Variants in NCOA2 observed in about 807,000 individuals in gnomAD.
The protein encoded by NCOA2 is nuclear receptor coactivator 2, also known as class E basic helix-loop-helix protein 75.
In NCOA2, 21 loss-of-function variants were observed where a neutral mutation model predicts 145.1. That is an observed-to-expected ratio of 0.14 (90% CI 0.10 to 0.21). The LOEUF (loss-of-function observed/expected upper bound fraction) is 0.21. Ranked by LOEUF, NCOA2 falls within the 10% of genes least tolerant of loss-of-function variation. NCOA2 has a pLI of 1.00. For missense variants in NCOA2, 1,472 were observed against 1,837.6 expected (o/e 0.80, Z 3.64); for synonymous variants, 619 against 637.5 (o/e 0.97, Z 0.44).
At chr8:70,124,433 C>T (rs1426387558) in intron 20 of NCOA2, among the ~76,000 whole-genome samples, 1 of 151,668 alleles carries the variant, frequency 6.6e-6, no homozygotes, top group Non-Finnish European at 1.5e-5. Flanking sequence ...GTTTACTTTT[C>T]CTAGAGCAGG....
chr8:70,232,627 C>T (rs928954373), intron 2 of NCOA2, among the ~76,000 whole-genome samples: 2 of 152,100 alleles, frequency 1.3e-5, no homozygotes, highest in Non-Finnish European at 2.9e-5. Context: ...ACTCCAACCC[C>T]ATTTCTATTC....
chr8:70,170,153 G>T, intron 6 of NCOA2, 49 bp downstream of exon 6: 1 of 1,547,494 alleles, frequency 6.5e-7, no homozygotes, highest in Non-Finnish European at 8.9e-7. Context: ...ATGAGGCAGG[G>T]CAGGTGGGGG....
At chr8:70,158,923 A>C (rs1461248004) in intron 10 of NCOA2, among the ~76,000 whole-genome samples, 2 of 151,936 alleles carry the variant, frequency 1.3e-5, no homozygotes, top group Non-Finnish European at 2.9e-5. Context: ...ATGTCTAAGC[A>C]AACTTAGTGC....
chr8:70,131,083 T>G (rs562087856), intron 16 of NCOA2, among the ~76,000 whole-genome samples: 1 of 152,340 alleles, frequency 6.6e-6, no homozygotes, highest in South Asian at 2.1e-4. Flanking sequence ...ATATTCCCAT[T>G]TACGCTTAAA....
At chr8:70,357,672 C>T (rs1479566679) in intron 1 of NCOA2, among the ~76,000 whole-genome samples, 4 of 151,870 alleles carry the variant, frequency 2.6e-5, no homozygotes, top group African/African-American at 7.3e-5. Flanking sequence ...ACCTGGGAGG[C>T]GGAGCTTGCA....
At chr8:70,163,139 TCCTGA>T (rs1212245028) in intron 8 of NCOA2, among the ~76,000 whole-genome samples, 1 of 152,166 alleles carries the variant, frequency 6.6e-6, no homozygotes, top group African/African-American at 2.4e-5. Flanking sequence ...GGCTTTGAAC[TCCTGA>T]CCTCAAGTGA....
chr8:70,320,832 T>C (rs76431592), intron 1 of NCOA2, among the ~76,000 whole-genome samples: 3,064 of 152,330 alleles, frequency 0.02, 123 homozygotes, highest in African/African-American at 0.07. Flanking sequence ...ACAAGGATTC[T>C]GTGTTTTATC....
chr8:70,404,372 C>A (rs115732081), upstream of NCOA2, among the ~76,000 whole-genome samples: 4,017 of 152,262 alleles, frequency 0.026, 163 homozygotes, highest in African/African-American at 0.092. Flanking sequence ...GGACGAAGAT[C>A]GGGGAGAGCC....
chr8:70,166,293 T>TGCA (rs1373424338), intron 7 of NCOA2, among the ~76,000 whole-genome samples: 1 of 152,194 alleles, frequency 6.6e-6, no homozygotes, highest in African/African-American at 2.4e-5. Flanking sequence ...GCCCCCTAGC[T>TGCA]GCACTACTGA....
chr8:70,253,368 C>T (rs1197686261), intron 2 of NCOA2, among the ~76,000 whole-genome samples: 3 of 151,992 alleles, frequency 2.0e-5, no homozygotes, highest in African/African-American at 7.3e-5. Flanking sequence ...AGAACAAAAT[C>T]CCTGCCCTCC....
At chr8:70,252,885 T>C (rs980270984) in intron 2 of NCOA2, among the ~76,000 whole-genome samples, 1 of 152,222 alleles carries the variant, frequency 6.6e-6, no homozygotes, top group African/African-American at 2.4e-5. Flanking sequence ...CAATAGACAC[T>C]TGTGACAAAA....
intron 1 of NCOA2, among the ~76,000 whole-genome samples, chr8:70,383,764 C>A (rs945915862): frequency 1.3e-5 from 2 of 152,174 alleles, no homozygotes; most frequent in Non-Finnish European, 2.9e-5. Context: ...CTCGGCCTCC[C>A]AAAGTGTTGA....
chr8:70,204,989 C>G (rs1818286654), intron 4 of NCOA2, among the ~76,000 whole-genome samples: 2 of 152,118 alleles, frequency 1.3e-5, no homozygotes, highest in Admixed American at 6.5e-5. Flanking sequence ...GCCCGGAAGA[C>G]AGAGCAAGAC....
At chr8:70,404,387 T>TC (rs1282578332), upstream of NCOA2, among the ~76,000 whole-genome samples, 10 of 152,192 alleles carry the variant, frequency 6.6e-5, no homozygotes, top group African/African-American at 2.4e-4. Context: ...AGAGCCGAGT[T>TC]CCAGGGTCGC....
In NCOA2 at chr8:70,138,122, A is replaced by G; in HGVS notation, c.3158+81T>C. 2 of 1,447,222 alleles carry G rather than the reference A, an allele frequency of 1.4e-6. 1 individual carries two copies. Among genetic ancestry groups the G allele is most frequent in the East Asian group, 4.6e-5 (2 of 43,788 alleles). The allele number at this position is 1,447,222 out of a possible 1,614,324, so 89.6% of individuals were successfully genotyped here. A position where few individuals can be genotyped will look rare whatever the true frequency, so the allele number is the denominator to read the frequency against. On this transcript the variant is annotated intron_variant, in intron 15 of 22. Transcript: ENST00000452400. ...TAGTACCAATAAATGAAAACTGGTCAGGCACCGACTACTCCAAAGGAAAAG... is the reference window on the plus strand; with the variant it reads ...TAGTACCAATAAATGAAAACTGGTCGGGCACCGACTACTCCAAAGGAAAAG...
chr8:70,153,870 T>C (rs1377115563), intron 11 of NCOA2, among the ~76,000 whole-genome samples: 3 of 152,238 alleles, frequency 2.0e-5, no homozygotes, highest in African/African-American at 7.2e-5. Context: ...TAAGGATTAA[T>C]CACCCAAGAC....
chr8:70,141,462 A>T (rs1184086696), intron 13 of NCOA2, 63 bp from the exon 14 acceptor site: 2 of 1,370,728 alleles, frequency 1.5e-6, no homozygotes, highest in Non-Finnish European at 2.0e-6. Flanking sequence ...GCATGTATGA[A>T]CACCAGATGA....
chr8:70,448,126 C>A, the NCOA2 span, among the ~76,000 whole-genome samples: 2 of 150,872 alleles, frequency 1.3e-5, no homozygotes, highest in Non-Finnish European at 3.0e-5. Context: ...CTTATAAAGT[C>A]TCCTGAACAA....
intron 4 of NCOA2, among the ~76,000 whole-genome samples, chr8:70,195,522 A>G (rs1162852742): frequency 6.6e-6 from 1 of 152,202 alleles, no homozygotes; most frequent in Non-Finnish European, 1.5e-5. Flanking sequence ...AAGCTTTGTC[A>G]GCCTAGAGGG....
Sources: allele counts gnomAD v4.1 joint callset (sites outside exome capture counted in the v4.1 genomes callset), GRCh38; gene constraint gnomAD v4.1.1; transcripts MANE v1.5; gene names NCBI Gene and HGNC (gene_info 2026-07-23, HGNC 2026-07-21).